The following SH3D19 variants were observed in gnomAD, a reference collection of about 807,000 sequenced individuals.
SH3D19 encodes SH3 domain-containing protein 19.
A neutral mutation model predicts 112.1 loss-of-function variants in SH3D19; 58 were observed. That is an observed-to-expected ratio of 0.52 (90% CI 0.42 to 0.64). SH3D19 has a LOEUF of 0.64. Ranked by LOEUF, SH3D19 falls within the 30% of genes least tolerant of loss-of-function variation. The pLI is 0.00. For synonymous variants in SH3D19, 391 were observed against 448.5 expected (o/e 0.87, Z 1.62); for missense variants, 1,090 against 1,263.4 (o/e 0.86, Z 2.08).
intron 1 of SH3D19, among the ~76,000 whole-genome samples, 185 bp downstream of exon 1, chr4:151,325,056 C>T (rs768177196): frequency 1.2e-4 from 18 of 152,204 alleles, no homozygotes; most frequent in Admixed American, 2.6e-4. Context: ...TGAATTTCCT[C>T]GGGCTCGGCC....
intron 2 of SH3D19, among the ~76,000 whole-genome samples, chr4:151,219,680 CT>C (rs1275262119): frequency 2.0e-5 from 3 of 152,102 alleles, no homozygotes; most frequent in Non-Finnish European, 4.4e-5. Flanking sequence ...ATTTACTTGT[CT>C]TTTTCTTCCG....
At chr4:151,134,565 C>T (rs1057263882) in intron 15 of SH3D19, among the ~76,000 whole-genome samples, 1 of 152,164 alleles carries the variant, frequency 6.6e-6, no homozygotes, top group African/African-American at 2.4e-5. Context: ...CTTCTAAAAA[C>T]TGGGTGAACA....
At chr4:151,319,110 G>A (rs1214344571) in intron 1 of SH3D19, among the ~76,000 whole-genome samples, 1 of 152,194 alleles carries the variant, frequency 6.6e-6, no homozygotes, top group Non-Finnish European at 1.5e-5. Context: ...GAGTGCAGTG[G>A]TGTGATCTCA....
chr4:151,281,394 C>T (rs950289008), intron 1 of SH3D19, among the ~76,000 whole-genome samples: 1 of 152,122 alleles, frequency 6.6e-6, no homozygotes, highest in Non-Finnish European at 1.5e-5. Context: ...AGAACAAACG[C>T]ATTAAATACT....
chr4:151,129,135 T>C (rs2149730019), intron 17 of SH3D19, among the ~76,000 whole-genome samples: 1 of 152,322 alleles, frequency 6.6e-6, no homozygotes, highest in South Asian at 2.1e-4. Flanking sequence ...CTTTACTTGA[T>C]TCAGAGACAA....
chr4:151,317,135 C>T (rs1730066244), intron 1 of SH3D19, among the ~76,000 whole-genome samples: 2 of 152,216 alleles, frequency 1.3e-5, no homozygotes, highest in South Asian at 4.1e-4. Context: ...ACCAGGGAGA[C>T]ACCGTCTTGA....
intron 9 of SH3D19, among the ~76,000 whole-genome samples, chr4:151,153,400 C>T (rs1249318220): frequency 6.6e-6 from 1 of 151,930 alleles, no homozygotes; most frequent in African/African-American, 2.4e-5. Flanking sequence ...GCGTGCTCCA[C>T]CACACCTGGC....
At chr4:151,207,662 T>C (rs975809043) in intron 2 of SH3D19, among the ~76,000 whole-genome samples, 3 of 152,306 alleles carry the variant, frequency 2.0e-5, no homozygotes, top group East Asian at 3.9e-4. Flanking sequence ...AAAGCAGGCA[T>C]ATGTAACAAT....
At chr4:151,177,947 G>C (rs1209687585) in intron 4 of SH3D19, among the ~76,000 whole-genome samples, 5 of 152,166 alleles carry the variant, frequency 3.3e-5, no homozygotes, top group Admixed American at 1.3e-4. Flanking sequence ...TGATTTTGTA[G>C]AGACAGGGCC....
intron 1 of SH3D19, among the ~76,000 whole-genome samples, chr4:151,303,944 T>TA (rs35256047): frequency 2.5e-5 from 2 of 80,384 alleles, no homozygotes; most frequent in African/African-American, 6.5e-5. Context: ...TGCTCTCTCA[T>TA]TTTTTTTTTT....
chr4:151,158,819 C>T (rs1024469016), intron 9 of SH3D19, among the ~76,000 whole-genome samples: 2 of 151,746 alleles, frequency 1.3e-5, no homozygotes, highest in African/African-American at 2.4e-5. Context: ...AAAAAAAATA[C>T]ATTTTTCTTA....
chr4:151,314,634 T>C (rs1443615699), intron 1 of SH3D19, among the ~76,000 whole-genome samples: 1 of 152,200 alleles, frequency 6.6e-6, no homozygotes, highest in African/African-American at 2.4e-5. Flanking sequence ...AATCTATCAG[T>C]TAGGAACTGC....
chr4:151,260,458 C>T (rs966747715), intron 1 of SH3D19, among the ~76,000 whole-genome samples: 1 of 152,152 alleles, frequency 6.6e-6, no homozygotes, highest in Admixed American at 6.5e-5. Flanking sequence ...TTGTATCTCA[C>T]TTTCCCTCAC....
At chr4:151,132,444 T>G in intron 16 of SH3D19, 61 bp from the exon 17 acceptor site, 2 of 1,472,210 alleles carry the variant, frequency 1.4e-6, no homozygotes, top group Non-Finnish European at 1.9e-6. Context: ...GGCCACATAG[T>G]ATTAAAAACA....
At chr4:151,186,130 T>TA (rs1327229273) in intron 3 of SH3D19, among the ~76,000 whole-genome samples, 2 of 152,214 alleles carry the variant, frequency 1.3e-5, no homozygotes, top group Non-Finnish European at 2.9e-5. Context: ...AAAGAACATC[T>TA]AAAATCCTAT....
intron 2 of SH3D19, among the ~76,000 whole-genome samples, chr4:151,223,375 G>C (rs1317203069): frequency 6.6e-6 from 1 of 151,560 alleles, no homozygotes; most frequent in Non-Finnish European, 1.5e-5. Context: ...ATTTTTTTTG[G>C]ATACTCAAAT....
intron 2 of SH3D19, among the ~76,000 whole-genome samples, chr4:151,189,861 G>A (rs1173249641): frequency 2.0e-5 from 3 of 152,142 alleles, no homozygotes; most frequent in Non-Finnish European, 4.4e-5. Context: ...ATGTGGAAGC[G>A]ACTTTGGAAC....
At chr4:151,280,983 G>T (rs973875389) in intron 1 of SH3D19, among the ~76,000 whole-genome samples, 1 of 152,032 alleles carries the variant, frequency 6.6e-6, no homozygotes, top group Non-Finnish European at 1.5e-5. Context: ...TTCTCAAGAA[G>T]CCATAGGAGA....
intron 9 of SH3D19, among the ~76,000 whole-genome samples, chr4:151,156,811 T>C (rs561172374): frequency 1.3e-5 from 2 of 152,122 alleles, no homozygotes; most frequent in Non-Finnish European, 2.9e-5. Flanking sequence ...AATAAACAAA[T>C]GGGCTTATAT....
Sources: gnomAD v4.1 joint callset for allele counts (sites outside exome capture counted in the v4.1 genomes callset) on GRCh38, gnomAD v4.1.1 for gene constraint, MANE v1.5 for transcripts, NCBI Gene and HGNC (gene_info 2026-07-23, HGNC 2026-07-21) for gene names.